Variants in RHEB observed in about 807,000 individuals in gnomAD.
RHEB encodes GTP-binding protein Rheb.
In RHEB, 2 loss-of-function variants were observed where a neutral mutation model predicts 28.8. The observed-to-expected ratio is 0.07, with a 90% CI of 0.03 to 0.22. The LOEUF (loss-of-function observed/expected upper bound fraction) is 0.22. Ranked by LOEUF, RHEB falls within the 10% of genes least tolerant of loss-of-function variation. The probability of loss-of-function intolerance (pLI) is 1.00; values close to 1 mark genes in which losing one functional copy is unlikely to be tolerated. For missense variants in RHEB, 76 were observed against 219.9 expected (o/e 0.35, Z 4.14); for synonymous variants, 69 against 77.3 (o/e 0.89, Z 0.56).
In RHEB at chr7:151,504,684, A is replaced by C. The variant is rs1802835410; in HGVS notation, c.53-13670T>G. On this transcript the variant is annotated intron_variant, in intron 1 of 7. Transcript: ENST00000262187. ...TAAGTAGCCAGACGCAAAAAGCTGC[A>C]TAATATATGGTTCCATTTATTGGGC... Among the ~76,000 whole-genome samples, 6 of 152,316 alleles carry C rather than the reference A, an allele frequency of 3.9e-5. No homozygotes were observed. The South Asian group carries it at 1.0e-3, about 26-fold the overall frequency.
chr7:151,485,365 T>C (rs1007087146), intron 2 of RHEB, among the ~76,000 whole-genome samples: 1 of 152,254 alleles, frequency 6.6e-6, no homozygotes, highest in Non-Finnish European at 1.5e-5. Context: ...CACAACTTCT[T>C]TTCCCTGACA....
At chr7:151,471,246 C>G (rs1802156949) in intron 6 of RHEB, 148 bp downstream of exon 6, 1 of 603,022 alleles carries the variant, frequency 1.7e-6, no homozygotes, top group Non-Finnish European at 3.0e-6. Context: ...GATTTCTATT[C>G]CACTTTTGCT....
chr7:151,498,571 C>A (rs993463242), intron 1 of RHEB, among the ~76,000 whole-genome samples: 3 of 152,104 alleles, frequency 2.0e-5, no homozygotes, highest in Non-Finnish European at 4.4e-5. Context: ...AAGCTGCACT[C>A]CAGCCTGGGT....
At chr7:151,476,861 G>A (rs1032947088) in intron 4 of RHEB, among the ~76,000 whole-genome samples, 6 of 152,172 alleles carry the variant, frequency 3.9e-5, no homozygotes, top group Non-Finnish European at 7.3e-5. Flanking sequence ...TAGAGGAACC[G>A]ATATCCATTC....
At chr7:151,494,120 A>AGTTTCTCCC (rs1802633658) in intron 1 of RHEB, among the ~76,000 whole-genome samples, 1 of 152,194 alleles carries the variant, frequency 6.6e-6, no homozygotes, top group African/African-American at 2.4e-5. Flanking sequence ...CTCCCTAAAG[A>AGTTTCTCCC]TATGGGCAAG....
chr7:151,515,090 A>C (rs1191880828), intron 1 of RHEB, among the ~76,000 whole-genome samples: 1 of 151,826 alleles, frequency 6.6e-6, no homozygotes, highest in African/African-American at 2.4e-5. Context: ...GAAAGAAAAG[A>C]AACCACCCAC....
intron 1 of RHEB, among the ~76,000 whole-genome samples, chr7:151,491,734 G>A (rs2150929677): frequency 8.9e-6 from 1 of 111,760 alleles, no homozygotes; most frequent in South Asian, 3.5e-4. Flanking sequence ...AAGACCCTGT[G>A]TCAAAAAAAA....
chr7:151,506,123 G>A (rs192897720), intron 1 of RHEB, among the ~76,000 whole-genome samples: 62 of 151,166 alleles, frequency 4.1e-4, no homozygotes, highest in African/African-American at 1.2e-3. Context: ...TTTATTATAT[G>A]TAAATTACAC....
intron 4 of RHEB, among the ~76,000 whole-genome samples, chr7:151,473,148 T>C (rs1479843276): frequency 6.6e-6 from 1 of 152,252 alleles, no homozygotes; most frequent in Non-Finnish European, 1.5e-5. Flanking sequence ...GCAAAGGTGA[T>C]GGAATGTCCC....
At chr7:151,487,769 T>C (rs1275775349) in intron 2 of RHEB, among the ~76,000 whole-genome samples, 1 of 152,202 alleles carries the variant, frequency 6.6e-6, no homozygotes, top group Non-Finnish European at 1.5e-5. Flanking sequence ...ATCACTCTCC[T>C]TGAGCCCCTT....
intron 1 of RHEB, among the ~76,000 whole-genome samples, chr7:151,496,089 G>C (rs988014580): frequency 6.6e-6 from 1 of 152,206 alleles, no homozygotes; most frequent in African/African-American, 2.4e-5. Flanking sequence ...CCGATGTAAT[G>C]CATCTAGGAC....
At chr7:151,507,763 A>C (rs1802913557) in intron 1 of RHEB, among the ~76,000 whole-genome samples, 4 of 152,188 alleles carry the variant, frequency 2.6e-5, no homozygotes, top group Admixed American at 6.5e-5. Flanking sequence ...TAGTTCATAA[A>C]AATACCCTTT....
chr7:151,508,508 A>G (rs1802927069), intron 1 of RHEB, among the ~76,000 whole-genome samples: 1 of 152,214 alleles, frequency 6.6e-6, no homozygotes, highest in African/African-American at 2.4e-5. Context: ...TATCAACAAT[A>G]TCCATCACAT....
intron 2 of RHEB, among the ~76,000 whole-genome samples, chr7:151,490,353 T>C (rs553540399): frequency 1.3e-5 from 2 of 152,364 alleles, no homozygotes; most frequent in African/African-American, 4.8e-5. Context: ...TGGATTAAAA[T>C]TGAACAAAGT....
chr7:151,473,540 A>AT (rs1427906218), intron 4 of RHEB, among the ~76,000 whole-genome samples: 2 of 152,112 alleles, frequency 1.3e-5, no homozygotes, highest in African/African-American at 4.8e-5. Context: ...GAGATCACTG[A>AT]TTTTCTGAAT....
At chr7:151,512,623 CTT>C (rs1584869426) in intron 1 of RHEB, among the ~76,000 whole-genome samples, 1 of 152,228 alleles carries the variant, frequency 6.6e-6, no homozygotes, top group Non-Finnish European at 1.5e-5. Flanking sequence ...GCCTTGCCAT[CTT>C]TGTCTCTCAC....
chr7:151,516,242 G>C (rs1803075376), intron 1 of RHEB, among the ~76,000 whole-genome samples: 1 of 152,086 alleles, frequency 6.6e-6, no homozygotes, highest in Admixed American at 6.5e-5. Context: ...GGGACTGGCA[G>C]GGAGAATTGT....
intron 1 of RHEB, among the ~76,000 whole-genome samples, chr7:151,507,396 C>T (rs1408076596): frequency 1.8e-5 from 2 of 110,920 alleles, no homozygotes; most frequent in Admixed American, 8.8e-5. Flanking sequence ...ATATTACACA[C>T]ACACATATAT....
rs763425832 is a variant in RHEB, at chr7:151,472,273, TCCACTG to T, written c.276-674_276-669del. ...AGAATCTGACGGCTTCTCACTCCCC[TCCACTG>T]CTGCCGCTGAGGTGTGAATTCCTGG... On this transcript the variant is annotated intron_variant, in intron 4 of 7. Coordinates refer to ENST00000262187, the MANE Select transcript of RHEB (RefSeq NM_005614.4). The surrounding 1 kb of genome is among the most constrained non-coding windows in gnomAD (Gnocchi z 5.2). Among the ~76,000 whole-genome samples, 9 of 152,122 alleles carry T rather than the reference TCCACTG, an allele frequency of 5.9e-5. No individual in the cohort carries two copies. Among genetic ancestry groups the T allele is most frequent in the Admixed American group, 2.0e-4 (3 of 15,286 alleles).
Sources: gnomAD v4.1 joint callset for allele counts (sites outside exome capture counted in the v4.1 genomes callset) on GRCh38, gnomAD v4.1.1 for gene constraint, Gnocchi (gnomAD v3.1) non-coding constraint, MANE v1.5 for transcripts, NCBI Gene and HGNC (gene_info 2026-07-23, HGNC 2026-07-21) for gene names.